The following EBF3 variants were observed in gnomAD, a reference collection of about 807,000 sequenced individuals.
EBF3 encodes EBF transcription factor 3, also known as transcription factor COE3.
In EBF3, 18 loss-of-function variants were observed where a neutral mutation model predicts 77.1. The observed-to-expected ratio is 0.23, with a 90% CI of 0.16 to 0.35. The LOEUF (loss-of-function observed/expected upper bound fraction) is 0.35. Among genes scored for constraint, EBF3 ranks in the 10% least tolerant of loss-of-function variants. The probability of loss-of-function intolerance (pLI) is 1.00; values close to 1 mark genes in which losing one functional copy is unlikely to be tolerated. For missense variants in EBF3, 558 were observed against 860.0 expected, an observed-to-expected ratio of 0.65 and a Z score of 4.39; for synonymous variants, 350 against 343.5, an observed-to-expected ratio of 1.02 and a Z score of -0.21.
chr10:129,942,523 T>C (rs1298456662), intron 6 of EBF3, among the ~76,000 whole-genome samples: 2 of 152,164 alleles, frequency 1.3e-5, no homozygotes, highest in East Asian at 1.9e-4. Flanking sequence ...GGGACAGCTG[T>C]GCAGCCTTCA....
chr10:129,942,184 A>C (rs1187767659), intron 6 of EBF3, among the ~76,000 whole-genome samples: 1 of 152,222 alleles, frequency 6.6e-6, no homozygotes, highest in African/African-American at 2.4e-5. Flanking sequence ...TTTTAGGAAG[A>C]TAAAAATTGT....
intron 6 of EBF3, among the ~76,000 whole-genome samples, chr10:129,904,435 T>C (rs1460003380): frequency 2.0e-5 from 3 of 151,918 alleles, no homozygotes; most frequent in Non-Finnish European, 2.9e-5. Context: ...AATGGACAGA[T>C]GGATGGATGG....
chr10:129,840,401 G>T lies in EBF3; in HGVS notation c.1603C>A (p.Leu535Ile). The change falls in exon 15 of 17, where the codon CTC (leucine) becomes ATC (isoleucine). Residue 535 changes from leucine to isoleucine, a missense_variant. By Grantham distance (5) the Leu-to-Ile change is conservative. Around this residue, in one of 5 missense-constraint regions of EBF3, gnomAD observed 284 missense variants for 368.3 expected, o/e 0.77. Coordinates refer to ENST00000440978, the MANE Select transcript of EBF3 (RefSeq NM_001375380.1). ...TGTGTGCTGCTACAGTTTGAAGGGA[G>T]GGTGACCGAAGAGGCTGCCATGGTG... ...SPTMAASSVTLPSNCSSTHGI... is the reference protein window; with the variant it reads ...SPTMAASSVTIPSNCSSTHGI... 6.4e-7 allele frequency: 1 copy of T among 1,552,754 alleles called. No individual in the cohort carries two copies. Among genetic ancestry groups the T allele is most frequent in the Non-Finnish European group, 8.7e-7 (1 of 1,147,486 alleles).
intron 6 of EBF3, among the ~76,000 whole-genome samples, chr10:129,898,012 T>A (rs914903008): frequency 1.3e-5 from 2 of 152,188 alleles, no homozygotes; most frequent in African/African-American, 2.4e-5. Flanking sequence ...AATTTTCATA[T>A]GAAAAGAGGA....
intron 6 of EBF3, among the ~76,000 whole-genome samples, chr10:129,880,794 C>G (rs1223339444): frequency 1.3e-5 from 2 of 152,238 alleles, no homozygotes; most frequent in African/African-American, 4.8e-5. Flanking sequence ...CTGCGCTTAC[C>G]TCTTACCCTA....
At chr10:129,951,159 G>A (rs998315965) in intron 6 of EBF3, among the ~76,000 whole-genome samples, 6 of 152,124 alleles carry the variant, frequency 3.9e-5, no homozygotes, top group Non-Finnish European at 8.8e-5. Flanking sequence ...TGCTTTCTTC[G>A]GCATCACGAG....
chr10:129,889,296 T>C (rs920765242), intron 6 of EBF3, among the ~76,000 whole-genome samples: 2 of 152,188 alleles, frequency 1.3e-5, no homozygotes, highest in African/African-American at 4.8e-5. Context: ...CCAGAGCTCG[T>C]GGCACAGGAG....
Position 129,896,522 on chromosome 10 carries a change from G to T in EBF3, c.555-18673C>A, listed in dbSNP as rs557701985. The stretch of plus-strand genomic sequence containing the variant: ...GCGGGGGCCGGCGTGGGCCGGGTGT[G>T]GGGGTGCGACAGGCCCTTGGGGGCT... On this transcript the variant is annotated intron_variant, in intron 6 of 16. Coordinates refer to ENST00000440978, the MANE Select transcript of EBF3 (RefSeq NM_001375380.1). Among the ~76,000 whole-genome samples, 313 of 152,316 alleles carry T rather than the reference G, an allele frequency of 2.1e-3. 4 individuals carry two copies. Among genetic ancestry groups the T allele is most frequent in the Middle Eastern group, 6.8e-3 (2 of 292 alleles).
In EBF3 at chr10:129,864,143, C is replaced by G. The variant is rs1851831016; in HGVS notation, c.1039+2998G>C. Among the ~76,000 whole-genome samples the G allele has an allele frequency of 1.3e-5, 2 of 152,188 alleles. No homozygotes were observed. Among genetic ancestry groups the G allele is most frequent in the South Asian group, 4.2e-4 (2 of 4,806 alleles). On this transcript the variant is annotated intron_variant, in intron 10 of 16. Transcript: ENST00000440978. This position sits in a 1 kb window ranked among gnomAD's most constrained non-coding sequence, Gnocchi z 4.4. ...GGTCCCTTAGTAGGAGGATATGAGACCTGGAGAGGATATCCCTGGCCAAGG... is the reference window on the plus strand; with the variant it reads ...GGTCCCTTAGTAGGAGGATATGAGAGCTGGAGAGGATATCCCTGGCCAAGG...
chr10:129,935,859 C>A lies in EBF3; in HGVS notation c.554+21399G>T, dbSNP rs558148578. ...GGAGAGGCCAAGACACCAAGAGCGG[C>A]CACGATCAGCCACAGGCAGGCATGG... is the stretch of plus-strand genomic sequence containing the variant. On this transcript the variant is annotated intron_variant, in intron 6 of 16. Coordinates refer to ENST00000440978, the MANE Select transcript of EBF3 (RefSeq NM_001375380.1). The surrounding 1 kb of genome is among the most constrained non-coding windows in gnomAD (Gnocchi z 4.2). 6.6e-6 allele frequency among the ~76,000 whole-genome samples: 1 copy of A among 152,294 alleles called. No homozygotes were observed. The highest frequency in any genetic ancestry group is 2.1e-4 in the South Asian group (1 of 4,824).
At chr10:129,887,960 A>T (rs1853726686) in intron 6 of EBF3, among the ~76,000 whole-genome samples, 1 of 152,196 alleles carries the variant, frequency 6.6e-6, no homozygotes, top group Non-Finnish European at 1.5e-5. Flanking sequence ...CATGCCATAG[A>T]AACTCCTTGC....
At chr10:129,859,040 C>T (rs1039839192) in intron 10 of EBF3, among the ~76,000 whole-genome samples, 7 of 152,300 alleles carry the variant, frequency 4.6e-5, no homozygotes, top group African/African-American at 1.2e-4. Context: ...GCCCTCTGCA[C>T]GCACTTAGGT....
intron 10 of EBF3, among the ~76,000 whole-genome samples, chr10:129,852,094 C>T (rs1025507486): frequency 2.6e-5 from 4 of 152,130 alleles, no homozygotes; most frequent in African/African-American, 7.2e-5. Flanking sequence ...GCCAGATATC[C>T]GGCTATCATA....
intron 6 of EBF3, among the ~76,000 whole-genome samples, chr10:129,888,402 C>T (rs947591669): frequency 1.3e-5 from 2 of 152,248 alleles, no homozygotes; most frequent in African/African-American, 2.4e-5. Flanking sequence ...AGGAGGGTTT[C>T]ATCTGTTACA....
intron 10 of EBF3, among the ~76,000 whole-genome samples, chr10:129,851,827 A>G (rs1564825486): frequency 6.6e-6 from 1 of 152,246 alleles, no homozygotes; most frequent in Non-Finnish European, 1.5e-5. Context: ...ACCGTGCCAT[A>G]AGATATTAAC....
intron 7 of EBF3, among the ~76,000 whole-genome samples, chr10:129,873,905 A>G (rs1852577960): frequency 6.6e-6 from 1 of 152,214 alleles, no homozygotes; most frequent in Non-Finnish European, 1.5e-5. Context: ...AGCTTCAGAA[A>G]CACCCCTCTA....
At chr10:129,954,157 C>A (rs1207921081) in intron 6 of EBF3, among the ~76,000 whole-genome samples, 1 of 152,188 alleles carries the variant, frequency 6.6e-6, no homozygotes, top group African/African-American at 2.4e-5. Flanking sequence ...TGGTTCTCTG[C>A]AGGTCACACA....
chr10:129,867,959 T>A (rs1402065446), intron 8 of EBF3, 47 bp from the exon 9 acceptor site: 21 of 1,599,666 alleles, frequency 1.3e-5, no homozygotes, highest in Middle Eastern at 1.7e-4. Flanking sequence ...CCCGTCCTCC[T>A]CCGACGCTGG....
chr10:129,956,156 T>C (rs1564924388), intron 6 of EBF3, among the ~76,000 whole-genome samples: 1 of 152,200 alleles, frequency 6.6e-6, no homozygotes. Context: ...AGTTAAACAT[T>C]AGCATTGCTC....
Sources: gnomAD v4.1 joint callset for allele counts (sites outside exome capture counted in the v4.1 genomes callset) on GRCh38, gnomAD v4.1.1 for gene constraint, gnomAD v4.1.1 regional missense constraint, Gnocchi (gnomAD v3.1) non-coding constraint, MANE v1.5 for transcripts, NCBI Gene and HGNC (gene_info 2026-07-23, HGNC 2026-07-21) for gene names.